The following FAM199X variants were observed in gnomAD, a reference collection of about 807,000 sequenced individuals.
FAM199X encodes protein FAM199X.
In FAM199X, 4 loss-of-function variants were observed where a neutral mutation model predicts 22.9. That is an observed-to-expected ratio of 0.17 (90% CI 0.09 to 0.40). FAM199X has a LOEUF of 0.40. Among genes scored for constraint, FAM199X ranks in the 10% least tolerant of loss-of-function variants. The pLI, the probability that FAM199X is intolerant of heterozygous loss-of-function variation, is 1.00. For synonymous variants in FAM199X, 101 were observed against 112.3 expected, an observed-to-expected ratio of 0.90 and a Z score of 0.64; for missense variants, 183 against 306.8, an observed-to-expected ratio of 0.60 and a Z score of 3.01.
At chrX:104,182,353 A>G (rs1556378069) in intron 2 of FAM199X, among the ~76,000 whole-genome samples, 1 of 110,226 alleles carries the variant, frequency 9.1e-6, no homozygotes, top group Non-Finnish European at 1.9e-5. Flanking sequence ...GCTTATTTTC[A>G]TCCACGCCTA....
intron 1 of FAM199X, 115 bp downstream of exon 1, chrX:104,167,097 C>T (rs1417430410): frequency 4.6e-6 from 3 of 648,004 alleles, no homozygotes; most frequent in Non-Finnish European, 6.5e-6. Flanking sequence ...TGCTTTCGAC[C>T]AGCGCTCATT....
At chrX:104,175,593 C>A (rs782771995) in intron 1 of FAM199X, 30 bp from the exon 2 acceptor site, 49 of 1,130,735 alleles carry the variant, frequency 4.3e-5, no homozygotes, top group Middle Eastern at 2.4e-4. Context: ...CTGTAGTTCT[C>A]TTGATTTCTT....
upstream of FAM199X, among the ~76,000 whole-genome samples, chrX:104,161,516 T>C (rs1921046585): frequency 8.9e-6 from 1 of 111,803 alleles, no homozygotes; most frequent in Admixed American, 9.5e-5. Flanking sequence ...CTGGATAGAA[T>C]TTTACGGGGG....
upstream of FAM199X, among the ~76,000 whole-genome samples, chrX:104,165,899 T>C (rs1921160424): frequency 9.0e-6 from 1 of 110,863 alleles, no homozygotes; most frequent in African/African-American, 3.3e-5. Flanking sequence ...AGGGGAGAAA[T>C]GGCAGGGCAT....
the FAM199X span, among the ~76,000 whole-genome samples, chrX:104,158,006 A>G: frequency 8.9e-6 from 1 of 112,464 alleles, no homozygotes; most frequent in Admixed American, 9.4e-5. Flanking sequence ...TGTCTGCTTA[A>G]AGCAGCTAAG....
rs1175526542 is a variant in FAM199X, at chrX:104,193,687, A to G, written c.*3909A>G. 8.9e-6 allele frequency: 1 copy of G among 112,139 alleles called. No individual in the cohort carries two copies. The highest frequency in any genetic ancestry group is 1.9e-5 in the Non-Finnish European group (1 of 53,040). 9.2% of individuals were successfully genotyped at this position (112,139 alleles called of 1,213,427 possible). On this transcript the variant is annotated 3_prime_UTR_variant, in exon 6 of 6. Transcript: ENST00000493442. ...TGTTGAGGGCACTGACTCATTCAGC[A>G]TGTCTGAACTAGAAGTAAATTTAAT...
At chrX:104,174,077 C>T (rs782005252) in intron 1 of FAM199X, among the ~76,000 whole-genome samples, 12 of 110,900 alleles carry the variant, frequency 1.1e-4, no homozygotes, top group Non-Finnish European at 1.9e-4. Flanking sequence ...GAGTTTGAGA[C>T]GAGCCTGGGC....
At chrX:104,164,708 C>T (rs1921113938), upstream of FAM199X, among the ~76,000 whole-genome samples, 1 of 110,109 alleles carries the variant, frequency 9.1e-6, no homozygotes. Flanking sequence ...TGGCAAAACC[C>T]GTCTCTACTA....
chrX:104,180,284 G>A (rs1430717792), intron 2 of FAM199X, among the ~76,000 whole-genome samples: 15 of 96,416 alleles, frequency 1.6e-4, no homozygotes, highest in African/African-American at 5.3e-4. Flanking sequence ...CTCAGCCAGT[G>A]TCTCTTTTTT....
At chrX:104,172,454 A>G (rs975476261) in intron 1 of FAM199X, among the ~76,000 whole-genome samples, 13 of 110,288 alleles carry the variant, frequency 1.2e-4, no homozygotes, top group Non-Finnish European at 2.5e-4. Flanking sequence ...AAATGTTACA[A>G]TCTTTACTAG....
intron 2 of FAM199X, 107 bp downstream of exon 2, chrX:104,175,949 A>C (rs782574174): frequency 1.4e-4 from 78 of 540,682 alleles, no homozygotes; most frequent in Non-Finnish European, 2.1e-4. Context: ...TCTAATGTTT[A>C]TCCAGTCCTG....
In FAM199X at chrX:104,189,624, G is replaced by A. The variant is rs781953803; in HGVS notation, c.1013G>A (p.Arg338Gln). Reference protein sequence around the residue: ...IRDSKKRSKQRKLQQKAFRKR... With the variant: ...IRDSKKRSKQQKLQQKAFRKR... The stretch of plus-strand genomic sequence containing the variant: ...TTTTGACAGAAGCGATCCAAGCAGC[G>A]GAAGTTACAGCAGAAGGCCTTCCGC... The change falls in exon 6 of 6, where the codon CGG (arginine) becomes CAG (glutamine). Residue 338 changes from arginine to glutamine, a missense_variant. Arg to Gln is a conservative substitution (Grantham distance 43). Transcript: ENST00000493442. The A allele has an allele frequency of 1.7e-6, 2 of 1,211,639 alleles. No individual in the cohort carries two copies. The highest frequency in any genetic ancestry group is 2.2e-6 in the Non-Finnish European group (2 of 895,454).
At chrX:104,179,060 G>T (rs1341723066) in intron 2 of FAM199X, among the ~76,000 whole-genome samples, 1 of 111,853 alleles carries the variant, frequency 8.9e-6, no homozygotes, top group African/African-American at 3.3e-5. Flanking sequence ...AGCCCTGAAG[G>T]TGCAGGTTAC....
chrX:104,167,275 T>A, intron 1 of FAM199X, among the ~76,000 whole-genome samples: 1 of 80,960 alleles, frequency 1.2e-5, no homozygotes, highest in Non-Finnish European at 2.4e-5. Context: ...ATCTGTACCC[T>A]ACGAATCCCA....
chrX:104,173,300 T>C (rs1921404717), intron 1 of FAM199X, among the ~76,000 whole-genome samples: 8 of 112,179 alleles, frequency 7.1e-5, no homozygotes, highest in Admixed American at 6.6e-4. Context: ...GAGCATGTGA[T>C]GAAAGTAATA....
intron 1 of FAM199X, among the ~76,000 whole-genome samples, chrX:104,170,944 A>T (rs1228211327): frequency 9.0e-6 from 1 of 111,489 alleles, no homozygotes; most frequent in Admixed American, 9.5e-5. Context: ...CTATATGGGG[A>T]TTCTGGCAGA....
chrX:104,188,825 AAAG>A (rs1921866130), intron 5 of FAM199X, among the ~76,000 whole-genome samples: 1 of 110,265 alleles, frequency 9.1e-6, no homozygotes, highest in Non-Finnish European at 1.9e-5. Context: ...TTAAAAAAAA[AAAG>A]AAGGTATAAG....
rs1276650890 is a variant in FAM199X, at chrX:104,195,415, T to G, written c.*5637T>G. The G allele has an allele frequency of 9.0e-6, 1 of 111,121 alleles. No homozygotes were observed. Among genetic ancestry groups the G allele is most frequent in the Non-Finnish European group, 1.9e-5 (1 of 53,012 alleles). The allele number at this position is 111,121 out of a possible 1,213,427, so 9.2% of individuals were successfully genotyped here. A position where few individuals can be genotyped will look rare whatever the true frequency, so the allele number is the denominator to read the frequency against. On this transcript the variant is annotated 3_prime_UTR_variant, in exon 6 of 6. Transcript: ENST00000493442. ...CCCAAATGTCATTGGCAAAACTTAT[T>G]TTTTTTTCTGGACAGATCAGATTTC...
At chrX:104,178,522 C>T (rs527441507) in intron 2 of FAM199X, among the ~76,000 whole-genome samples, 1 of 111,186 alleles carries the variant, frequency 9.0e-6, no homozygotes, top group East Asian at 2.8e-4. Flanking sequence ...CTCAAGCAAT[C>T]CTCTCACCTC....
Sources: allele counts gnomAD v4.1 joint callset (sites outside exome capture counted in the v4.1 genomes callset), GRCh38; gene constraint gnomAD v4.1.1; transcripts MANE v1.5; gene names NCBI Gene and HGNC (gene_info 2026-07-23, HGNC 2026-07-21).